Variants in CCSER2 observed in about 807,000 individuals in gnomAD.
The protein encoded by CCSER2 is serine-rich coiled-coil domain-containing protein 2.
CCSER2 carries 46 observed loss-of-function variants against 92.3 expected under a neutral mutation model. The observed-to-expected ratio is 0.50, with a 90% CI of 0.39 to 0.64. The LOEUF (loss-of-function observed/expected upper bound fraction) is 0.64, where lower values mean the gene tolerates loss of function less well. CCSER2 is among the 30% of genes least tolerant of loss of function. CCSER2 has a pLI of 0.00. For missense variants in CCSER2, 1,244 were observed against 1,238.9 expected, an observed-to-expected ratio of 1.00 and a Z score of -0.06; for synonymous variants, 433 against 431.4, an observed-to-expected ratio of 1.00 and a Z score of -0.04.
intron 3 of CCSER2, among the ~76,000 whole-genome samples, chr10:84,375,529 T>C (rs1333501237): frequency 2.8e-5 from 3 of 105,632 alleles, no homozygotes; most frequent in Non-Finnish European, 5.7e-5. Context: ...TCAGAATTGT[T>C]GGTTTGTTTT....
rs569223657 is a variant in CCSER2, at chr10:84,350,202, T to G, written c.-39-20812T>G. Among the ~76,000 whole-genome samples the G allele has an allele frequency of 2.6e-5, 4 of 152,320 alleles. 1 individual carries two copies. In the South Asian group the frequency reaches 8.3e-4, roughly 32 times the overall value. ...TACATCAGATCGCATCACGCTCGTT[T>G]ATACATTAAGTGGCTTTCCACTGCG... is the stretch of plus-strand genomic sequence containing the variant. On this transcript the variant is annotated intron_variant, in intron 1 of 9. Transcript: ENST00000372088.
intron 1 of CCSER2, among the ~76,000 whole-genome samples, chr10:84,346,368 A>T (rs1283793355): frequency 6.6e-6 from 1 of 152,026 alleles, no homozygotes; most frequent in Non-Finnish European, 1.5e-5. Flanking sequence ...CCAGCCATGT[A>T]TTAGAATAAT....
chr10:84,426,057 A>G (rs1843419372), intron 5 of CCSER2, among the ~76,000 whole-genome samples, 164 bp downstream of exon 5: 1 of 152,190 alleles, frequency 6.6e-6, no homozygotes. Context: ...TAATATGTCT[A>G]ATTTGTTCTT....
intron 4 of CCSER2, among the ~76,000 whole-genome samples, chr10:84,419,592 A>T (rs542937229): frequency 6.6e-6 from 1 of 152,296 alleles, no homozygotes; most frequent in South Asian, 2.1e-4. Context: ...GTTGAGGACA[A>T]TATCCACCAC....
At chr10:84,379,041 G>C (rs1316064755) in intron 3 of CCSER2, among the ~76,000 whole-genome samples, 1 of 152,304 alleles carries the variant, frequency 6.6e-6, no homozygotes, top group South Asian at 2.1e-4. Context: ...AAGAATTTGT[G>C]TACAACTAAT....
intron 1 of CCSER2, among the ~76,000 whole-genome samples, chr10:84,348,335 G>C (rs891877156): frequency 6.6e-6 from 1 of 152,342 alleles, no homozygotes; most frequent in African/African-American, 2.4e-5. Flanking sequence ...GCCTGCAATC[G>C]CAGGCACTCG....
At chr10:84,419,100 A>G (rs1843013575) in intron 4 of CCSER2, among the ~76,000 whole-genome samples, 1 of 152,180 alleles carries the variant, frequency 6.6e-6, no homozygotes, top group African/African-American at 2.4e-5. Context: ...AAATGGTCAC[A>G]AGATTTTTTG....
chr10:84,399,327 C>G (rs1232642799), intron 3 of CCSER2, among the ~76,000 whole-genome samples: 1 of 152,092 alleles, frequency 6.6e-6, no homozygotes, highest in Non-Finnish European at 1.5e-5. Flanking sequence ...TATAATAATA[C>G]CCTCTAGTTC....
At chr10:84,381,993 T>G (rs1421919779) in intron 3 of CCSER2, among the ~76,000 whole-genome samples, 2 of 151,986 alleles carry the variant, frequency 1.3e-5, no homozygotes, top group African/African-American at 4.8e-5. Flanking sequence ...CACAACTGGT[T>G]GCTGGAGGTA....
chr10:84,356,859 A>ATG lies in CCSER2; in HGVS notation c.-39-14143_-39-14142dup, dbSNP rs369264053. On this transcript the variant is annotated intron_variant, in intron 1 of 9. Coordinates refer to ENST00000372088, the MANE Select transcript of CCSER2 (RefSeq NM_001284240.2). Reference sequence around the variant, plus strand: ...ATTGTGTGATAAGCTGTTATACATTATGTGTGTGTGTGTATATACATATAG... The same window carrying ATG: ...ATTGTGTGATAAGCTGTTATACATTATGTGTGTGTGTGTGTATATACATATAG... 6.2e-3 allele frequency among the ~76,000 whole-genome samples: 941 copies of ATG among 152,122 alleles called. 6 individuals are homozygous for ATG. Among genetic ancestry groups the ATG allele is most frequent in the African/African-American group, 0.021 (859 of 41,494 alleles).
At position 84,464,433 on chromosome 10, in the gene CCSER2, G is replaced by C. The variant is rs1028702807; in HGVS notation, c.2148+417G>C. On this transcript the variant is annotated intron_variant, in intron 7 of 9. Coordinates refer to ENST00000372088, the MANE Select transcript of CCSER2 (RefSeq NM_001284240.2). ...TACAGATGTATTTTTGTGAGTGAAA[G>C]TGTTTTTTTATAATTCTTATTTATG... Among the ~76,000 whole-genome samples, 4 of 36,342 alleles carry C rather than the reference G, an allele frequency of 1.1e-4. No individual in the cohort carries two copies. In the South Asian group the frequency reaches 3.1e-3, roughly 28 times the overall value. The allele number at this position is 36,342 out of a possible 152,430, so 23.8% of individuals were successfully genotyped here.
intron 1 of CCSER2, among the ~76,000 whole-genome samples, chr10:84,348,417 G>C (rs1257031283): frequency 6.6e-6 from 1 of 152,150 alleles, no homozygotes; most frequent in African/African-American, 2.4e-5. Context: ...GTCCAGCTTC[G>C]GCTCGGCATC....
intron 9 of CCSER2, among the ~76,000 whole-genome samples, chr10:84,498,403 A>G (rs1330772372): frequency 6.6e-6 from 1 of 152,130 alleles, no homozygotes; most frequent in Non-Finnish European, 1.5e-5. Context: ...ATTTTTATTT[A>G]CTAGAATATC....
intron 9 of CCSER2, among the ~76,000 whole-genome samples, chr10:84,483,367 T>G (rs1447401204): frequency 6.8e-6 from 1 of 146,804 alleles, no homozygotes; most frequent in Admixed American, 7.0e-5. Context: ...CACTCCAGCC[T>G]GGGCAGCAAG....
intron 3 of CCSER2, chr10:84,391,124 A>G: frequency 1.3e-6 from 1 of 782,520 alleles, no homozygotes; most frequent in Non-Finnish European, 2.4e-6. Context: ...TTAAATGGTG[A>G]AGATAAGGAT....
intron 9 of CCSER2, among the ~76,000 whole-genome samples, chr10:84,506,907 G>A (rs373706640): frequency 1.3e-5 from 2 of 151,994 alleles, no homozygotes; most frequent in East Asian, 1.9e-4. Flanking sequence ...TTCATAAGAG[G>A]TTACTTGGGA....
chr10:84,449,280 C>T (rs1264673691), intron 6 of CCSER2, among the ~76,000 whole-genome samples: 9 of 152,096 alleles, frequency 5.9e-5, no homozygotes, highest in African/African-American at 1.4e-4. Flanking sequence ...GAGGCTGAGG[C>T]GGGAGGATCA....
At chr10:84,401,154 T>C (rs1046097151) in intron 3 of CCSER2, among the ~76,000 whole-genome samples, 1 of 151,792 alleles carries the variant, frequency 6.6e-6, no homozygotes, top group African/African-American at 2.4e-5. Flanking sequence ...CTTAAGAAAC[T>C]AGTAAAAAAT....
chr10:84,451,233 GT>G (rs1003754412), intron 6 of CCSER2, among the ~76,000 whole-genome samples: 4 of 142,672 alleles, frequency 2.8e-5, no homozygotes, highest in Admixed American at 1.4e-4. Flanking sequence ...CTATAGAAAG[GT>G]TTTTTTTTTG....
Sources: gnomAD v4.1 joint callset for allele counts (sites outside exome capture counted in the v4.1 genomes callset) on GRCh38, gnomAD v4.1.1 for gene constraint, MANE v1.5 for transcripts, NCBI Gene and HGNC (gene_info 2026-07-23, HGNC 2026-07-21) for gene names.